The following CLCN5 variants were observed in gnomAD, a reference collection of about 807,000 sequenced individuals.
The protein encoded by CLCN5 is H(+)/Cl(-) exchange transporter 5.
Under a neutral mutation model 54.0 loss-of-function variants are expected in CLCN5, and 17 were observed. That is an observed-to-expected ratio of 0.31 (90% CI 0.22 to 0.47). The LOEUF is 0.47. Among genes scored for constraint, CLCN5 ranks in the 20% least tolerant of loss-of-function variants. CLCN5 has a pLI of 1.00. For missense variants in CLCN5, 448 were observed against 646.7 expected, an observed-to-expected ratio of 0.69 and a Z score of 3.33; for synonymous variants, 222 against 233.0, an observed-to-expected ratio of 0.95 and a Z score of 0.43.
At chrX:49,923,767 C>G (rs1925191638) in intron 2 of CLCN5, 2 of 112,056 alleles carry the variant, frequency 1.8e-5, no homozygotes, top group Non-Finnish European at 3.8e-5. Context: ...TCTTGGACTT[C>G]GCGAACTTTT....
At position 50,083,115 on chromosome X, in the gene CLCN5, G is replaced by A. The variant is rs112420467; in HGVS notation, c.933+1268G>A. ...TTGAATTACAAAGAAGTCACATATGGAATGGGTCAAGACTAAGGTCATTTC... is the reference window on the plus strand; with the variant it reads ...TTGAATTACAAAGAAGTCACATATGAAATGGGTCAAGACTAAGGTCATTTC... On this transcript the variant is annotated intron_variant, in intron 9 of 14. Transcript: ENST00000376091. Among the ~76,000 whole-genome samples the A allele has an allele frequency of 7.0e-3, 761 of 109,258 alleles. 6 individuals carry two copies. The highest frequency in any genetic ancestry group is 0.024 in the African/African-American group (711 of 29,848). 94.9% of individuals were successfully genotyped at this position (109,258 alleles called of 115,157 possible).
intron 12 of CLCN5, among the ~76,000 whole-genome samples, chrX:50,089,815 A>G (rs782375928): frequency 6.2e-5 from 7 of 112,017 alleles, no homozygotes; most frequent in Non-Finnish European, 1.1e-4. Context: ...AGCCTGGAAG[A>G]TGGCAGTTGC....
rs1473687752 is a variant in CLCN5 at position 50,076,067 on chromosome X, G to A, written c.603+85G>A. On this transcript the variant is annotated intron_variant, in intron 7 of 14. Transcript: ENST00000376091. The stretch of plus-strand genomic sequence containing the variant: ...TTATACTGTGCTCACAGCAATTGCG[G>A]AATCTTCCTTTATTTTCCTTTCCAC... The A allele has an allele frequency of 3.3e-6, 3 of 908,209 alleles. No homozygotes were observed. In the African/African-American group the frequency reaches 5.9e-5, roughly 18 times the overall value. The allele number at this position is 908,209 out of a possible 1,213,427, so 74.8% of individuals were successfully genotyped here. A position where few individuals can be genotyped will look rare whatever the true frequency, so the allele number is the denominator to read the frequency against.
At chrX:49,978,015 C>T (rs1017536037) in intron 3 of CLCN5, among the ~76,000 whole-genome samples, 2 of 112,169 alleles carry the variant, frequency 1.8e-5, no homozygotes, top group Admixed American at 9.4e-5. Context: ...TGCAAACCAA[C>T]GGTATGACCT....
chrX:50,049,794 T>TA (rs1339109071), intron 4 of CLCN5, among the ~76,000 whole-genome samples: 1 of 112,073 alleles, frequency 8.9e-6, no homozygotes, highest in Non-Finnish European at 1.9e-5. Context: ...TATCCACTAT[T>TA]ACAGTATCAT....
chrX:49,926,922 G>C (rs1460876740), intron 3 of CLCN5, among the ~76,000 whole-genome samples: 2 of 111,076 alleles, frequency 1.8e-5, no homozygotes, highest in Non-Finnish European at 3.8e-5. Flanking sequence ...TGGGATTCTA[G>C]AATGTTCTGT....
At chrX:49,981,352 A>G (rs1404460534) in intron 3 of CLCN5, among the ~76,000 whole-genome samples, 1 of 111,646 alleles carries the variant, frequency 9.0e-6, no homozygotes, top group Non-Finnish European at 1.9e-5. Flanking sequence ...TTTCATGGTT[A>G]ATGCATTCCC....
At chrX:49,973,407 A>C (rs1928322843) in intron 3 of CLCN5, among the ~76,000 whole-genome samples, 1 of 110,520 alleles carries the variant, frequency 9.0e-6, no homozygotes, top group African/African-American at 3.3e-5. Context: ...GTACATGTGC[A>C]CAACGTGCAG....
intron 3 of CLCN5, among the ~76,000 whole-genome samples, chrX:50,007,148 A>C (rs1569538549): frequency 8.9e-6 from 1 of 111,986 alleles, no homozygotes; most frequent in Non-Finnish European, 1.9e-5. Context: ...TAGCTGTTGA[A>C]TGAAGATGCA....
intron 7 of CLCN5, among the ~76,000 whole-genome samples, chrX:50,079,847 G>A (rs1933609391): frequency 9.0e-6 from 1 of 110,982 alleles, no homozygotes; most frequent in South Asian, 3.8e-4. Context: ...GTGAGGTAGG[G>A]TGAATAAGTC....
At chrX:49,941,639 C>G (rs782713058) in intron 3 of CLCN5, among the ~76,000 whole-genome samples, 1 of 111,116 alleles carries the variant, frequency 9.0e-6, no homozygotes, top group African/African-American at 3.3e-5. Context: ...GCCTCGTTCT[C>G]TAGACATAAC....
chrX:50,003,186 C>T (rs375749091), intron 3 of CLCN5: 2 of 383,655 alleles, frequency 5.2e-6, no homozygotes, highest in African/African-American at 2.6e-5. Context: ...AGTGTAGGAC[C>T]GTTGGCATCT....
chrX:50,066,556 C>T (rs925971165), intron 4 of CLCN5, among the ~76,000 whole-genome samples: 12 of 111,975 alleles, frequency 1.1e-4, no homozygotes, highest in African/African-American at 3.2e-4. Flanking sequence ...CTTTGGGTTC[C>T]CTTAGGGAAT....
chrX:49,983,634 T>G (rs1301094682), intron 3 of CLCN5, among the ~76,000 whole-genome samples: 1 of 107,480 alleles, frequency 9.3e-6, no homozygotes, highest in Non-Finnish European at 1.9e-5. Flanking sequence ...ATATGAGATA[T>G]ATTAAAATAT....
chrX:49,934,671 T>C (rs1557169354), intron 3 of CLCN5, among the ~76,000 whole-genome samples: 1 of 111,704 alleles, frequency 9.0e-6, no homozygotes, highest in African/African-American at 3.3e-5. Context: ...AATTAAAACA[T>C]AGAGCAATTA....
intron 3 of CLCN5, among the ~76,000 whole-genome samples, chrX:49,987,422 C>A (rs1791556218): frequency 8.9e-6 from 1 of 111,876 alleles, no homozygotes; most frequent in Admixed American, 9.5e-5. Flanking sequence ...ATCTCTCAAT[C>A]AGATTTGGGG....
chrX:50,057,872 G>A (rs971061478), intron 4 of CLCN5, among the ~76,000 whole-genome samples: 3 of 110,750 alleles, frequency 2.7e-5, no homozygotes, highest in Non-Finnish European at 5.7e-5. Context: ...ACAAATAGGT[G>A]AAATGGGATG....
chrX:50,030,225 A>G (rs1051855171), intron 3 of CLCN5, among the ~76,000 whole-genome samples: 15 of 111,997 alleles, frequency 1.3e-4, no homozygotes, highest in African/African-American at 4.5e-4. Context: ...AGACTTTCCA[A>G]TCAAGAGCAT....
At position 50,098,442 on chromosome X, in the gene CLCN5, G is replaced by T. The variant is rs1934330020; in HGVS notation, c.*6223G>T. 8.9e-6 allele frequency: 1 copy of T among 112,858 alleles called. No individual in the cohort carries two copies. Among genetic ancestry groups the T allele is most frequent in the Admixed American group, 9.4e-5 (1 of 10,675 alleles). The allele number at this position is 112,858 out of a possible 1,213,427, so 9.3% of individuals were successfully genotyped here. A position where few individuals can be genotyped will look rare whatever the true frequency, so the allele number is the denominator to read the frequency against. Reference sequence around the variant, plus strand: ...CTGTTGAGTGAGCCAATGAGGCCAGGAAGATCAGAGGGGCTGGGTTCCGGC... The same window carrying T: ...CTGTTGAGTGAGCCAATGAGGCCAGTAAGATCAGAGGGGCTGGGTTCCGGC... On this transcript the variant is annotated 3_prime_UTR_variant, in exon 15 of 15. Coordinates refer to ENST00000376091, the MANE Select transcript of CLCN5 (RefSeq NM_001127898.4).
Sources: allele counts gnomAD v4.1 joint callset (sites outside exome capture counted in the v4.1 genomes callset), GRCh38; gene constraint gnomAD v4.1.1; transcripts MANE v1.5; gene names NCBI Gene and HGNC (gene_info 2026-07-23, HGNC 2026-07-21).